Variants in NUMA1 observed in about 807,000 individuals in gnomAD.
The protein encoded by NUMA1 is nuclear mitotic apparatus protein 1, also known as SP-H antigen.
NUMA1 carries 62 observed loss-of-function variants against 237.1 expected under a neutral mutation model. The observed-to-expected ratio is 0.26, with a 90% CI of 0.21 to 0.32. The LOEUF (loss-of-function observed/expected upper bound fraction) is 0.32, where lower values mean the gene tolerates loss of function less well. Among genes scored for constraint, NUMA1 ranks in the 10% least tolerant of loss-of-function variants. The pLI, the probability that NUMA1 is intolerant of heterozygous loss-of-function variation, is 1.00. For missense variants in NUMA1, 2,533 were observed against 2,666.5 expected (o/e 0.95, Z 1.10); for synonymous variants, 1,028 against 1,066.1 (o/e 0.96, Z 0.70).
At chr11:72,076,701 C>G (rs990126544) in intron 1 of NUMA1, 1 of 152,056 alleles carries the variant, frequency 6.6e-6, no homozygotes, top group Non-Finnish European at 1.5e-5. Flanking sequence ...AGGAGAATCG[C>G]TTGAACCCAG....
At position 72,006,589 on chromosome 11, in the gene NUMA1, C is replaced by G. The variant is rs1021572514; in HGVS notation, c.5464-326G>C. On this transcript the variant is annotated intron_variant, in intron 21 of 26. Coordinates refer to ENST00000393695, the MANE Select transcript of NUMA1 (RefSeq NM_006185.4). Reference sequence around the variant, plus strand: ...AAGTGACTAGCCCCAAATCACACTGCTAGGAAGTATCAGAGCTGGGGCTAG... The same window carrying G: ...AAGTGACTAGCCCCAAATCACACTGGTAGGAAGTATCAGAGCTGGGGCTAG... Among the ~76,000 whole-genome samples the G allele has an allele frequency of 2.0e-5, 3 of 152,306 alleles. No homozygotes were observed. The South Asian group carries it at 6.2e-4, about 32-fold the overall frequency.
chr11:72,006,619 C>T (rs1023399622), intron 21 of NUMA1, among the ~76,000 whole-genome samples: 3 of 152,240 alleles, frequency 2.0e-5, no homozygotes, highest in African/African-American at 7.2e-5. Context: ...GGCTAGGCCC[C>T]ATGTCTCCTG....
In NUMA1 at chr11:72,027,500, C is replaced by T. The variant is rs192453648; in HGVS notation, c.128+1705G>A. On this transcript the variant is annotated intron_variant, in intron 4 of 26. Coordinates refer to ENST00000393695, the MANE Select transcript of NUMA1 (RefSeq NM_006185.4). ...AGGGGAATAGTGGAACAAGTTAAGC[C>T]GTACCATAATAATGCAATTAACAAA... Among the ~76,000 whole-genome samples the T allele has an allele frequency of 6.7e-4, 102 of 151,316 alleles. 1 individual carries two copies. Among genetic ancestry groups the T allele is most frequent in the Non-Finnish European group, 8.8e-5 (6 of 67,910 alleles).
At chr11:72,012,291 CACAA>C in intron 16 of NUMA1, 106 bp downstream of exon 16, 1 of 1,054,766 alleles carries the variant, frequency 9.5e-7, no homozygotes, top group Non-Finnish European at 1.4e-6. Context: ...CTGCCCCCTT[CACAA>C]ACAGTTCACA....
intron 2 of NUMA1, chr11:72,066,895 T>A (rs1943225813): frequency 6.6e-6 from 1 of 152,342 alleles, no homozygotes; most frequent in Non-Finnish European, 1.5e-5. Flanking sequence ...TTGGCCCTTA[T>A]CTGAATTCTT....
rs200574487 is a variant in NUMA1 at position 72,008,776 on chromosome 11, G to A, written c.5128C>T (p.Arg1710Cys). 1.3e-5 allele frequency: 21 copies of A among 1,613,916 alleles called. No homozygotes were observed. Among genetic ancestry groups the A allele is most frequent in the South Asian group, 4.4e-5 (4 of 91,084 alleles). ...FQVATDALKSREPQAKPQLDL... is the reference protein window; with the variant it reads ...FQVATDALKSCEPQAKPQLDL... The stretch of plus-strand genomic sequence containing the variant: ...AGCTGGGGCTTAGCCTGGGGCTCAC[G>A]GCTCTTTAAAGCATCAGTTGCCACC... The change falls in exon 20 of 27, where the codon CGT (arginine) becomes TGT (cysteine). Residue 1710 changes from arginine to cysteine, a missense_variant. Around this residue, in one of 3 missense-constraint regions of NUMA1, gnomAD observed 795 missense variants for 750.8 expected, o/e 1.06. Coordinates refer to ENST00000393695, the MANE Select transcript of NUMA1 (RefSeq NM_006185.4).
chr11:72,018,574 G>A (rs956255487), intron 10 of NUMA1, 61 bp from the exon 11 acceptor site: 3 of 1,431,192 alleles, frequency 2.1e-6, no homozygotes, highest in African/African-American at 1.4e-5. Context: ...GCGGAACTAT[G>A]TGCACAGAAC....
chr11:72,017,855 C>A (rs1409996956), intron 12 of NUMA1, 28 bp from the exon 13 acceptor site: 1 of 1,467,280 alleles, frequency 6.8e-7, no homozygotes, highest in East Asian at 2.4e-5. Context: ...GAATCCCCAT[C>A]ACCCAGAGTC....
At chr11:72,057,530 GGTCAGGA>G (rs1159317609) in intron 2 of NUMA1, among the ~76,000 whole-genome samples, 1 of 151,984 alleles carries the variant, frequency 6.6e-6, no homozygotes, top group Non-Finnish European at 1.5e-5. Context: ...GATCACTTGA[GGTCAGGA>G]GTTCCAGACC....
intron 4 of NUMA1, 59 bp downstream of exon 4, chr11:72,029,146 C>A: frequency 1.6e-6 from 2 of 1,257,206 alleles, no homozygotes; most frequent in Non-Finnish European, 2.3e-6. Flanking sequence ...CAAGTACAGC[C>A]CCCACCCCAG....
intron 2 of NUMA1, chr11:72,065,813 T>G (rs911117893): frequency 3.3e-5 from 5 of 152,204 alleles, no homozygotes; most frequent in African/African-American, 4.8e-5. Context: ...AAAATCATCT[T>G]TGGTGGGTCA....
chr11:72,058,876 G>A (rs1200498009), intron 2 of NUMA1, among the ~76,000 whole-genome samples: 1 of 152,184 alleles, frequency 6.6e-6, no homozygotes, highest in Non-Finnish European at 1.5e-5. Flanking sequence ...ACTGATGTGA[G>A]CACAGCTAGC....
chr11:72,005,535 T>C (rs1955627149), intron 22 of NUMA1, 166 bp from the exon 23 acceptor site: 4 of 621,646 alleles, frequency 6.4e-6, no homozygotes, highest in Non-Finnish European at 1.1e-5. Context: ...ACAGACTATT[T>C]CTATCCTAGG....
intron 2 of NUMA1, among the ~76,000 whole-genome samples, chr11:72,047,278 G>A (rs573470283): frequency 2.0e-5 from 3 of 152,184 alleles, no homozygotes; most frequent in East Asian, 1.9e-4. Context: ...AAATTCCTCA[G>A]GAGTTCAAGA....
In NUMA1 at chr11:72,024,328, T is replaced by C; in HGVS notation, c.154A>G (p.Ile52Val). 3 of 1,614,210 alleles carry C rather than the reference T, an allele frequency of 1.9e-6. No individual in the cohort carries two copies. The highest frequency in any genetic ancestry group is 2.2e-5 in the East Asian group (1 of 44,888). The change falls in exon 5 of 27, where the codon ATC (isoleucine) becomes GTC (valine). Residue 52 changes from isoleucine to valine, a missense_variant. Physicochemically the swap from Ile to Val is conservative, Grantham distance 29. Around this residue, in one of 3 missense-constraint regions of NUMA1, gnomAD observed 1,414 missense variants for 1,508.1 expected, o/e 0.94. Coordinates refer to ENST00000393695, the MANE Select transcript of NUMA1 (RefSeq NM_006185.4). ...RIHGTEEGQQ[I>V]LKQPVSERLD... ...CTCTCTGACACCGGCTGCTTCAAGA[T>C]TTGCTGTCCCTCTTCAGTGCCATGG...
intron 2 of NUMA1, among the ~76,000 whole-genome samples, chr11:72,039,379 G>A (rs1366818131): frequency 6.6e-6 from 1 of 152,246 alleles, no homozygotes; most frequent in African/African-American, 2.4e-5. Context: ...CTTGGCCTGG[G>A]TGCCAGCTCC....
intron 7 of NUMA1, 39 bp downstream of exon 7, chr11:72,022,300 G>A (rs1281976742): frequency 7.1e-7 from 1 of 1,406,958 alleles, no homozygotes; most frequent in Non-Finnish European, 1.0e-6. Flanking sequence ...TGAAGCATGG[G>A]CTAGGCCTGC....
chr11:72,007,896 C>A (rs1378462974), intron 20 of NUMA1: 4 of 352,970 alleles, frequency 1.1e-5, no homozygotes, highest in Non-Finnish European at 2.2e-5. Flanking sequence ...TGCTCATGTC[C>A]TTTCCCTGGT....
At chr11:72,017,562 C>T (rs1590922247) in intron 13 of NUMA1, 125 bp downstream of exon 13, 2 of 1,160,308 alleles carry the variant, frequency 1.7e-6, no homozygotes, top group African/African-American at 1.5e-5. Context: ...TCAATTACAG[C>T]ACACTATTGA....
Sources: allele counts gnomAD v4.1 joint callset (sites outside exome capture counted in the v4.1 genomes callset), GRCh38; gene constraint gnomAD v4.1.1; regional missense constraint gnomAD v4.1.1; transcripts MANE v1.5; gene names NCBI Gene and HGNC (gene_info 2026-07-23, HGNC 2026-07-21).